The following TENM3 variants were observed in gnomAD, a reference collection of about 807,000 sequenced individuals.
TENM3 encodes teneurin transmembrane protein 3.
In TENM3, 63 loss-of-function variants were observed where a neutral mutation model predicts 255.1. The observed-to-expected ratio is 0.25, with a 90% confidence interval of 0.20 to 0.30. TENM3 has a LOEUF of 0.30. Among genes scored for constraint, TENM3 ranks in the 10% least tolerant of loss-of-function variants. TENM3 has a pLI of 1.00. For synonymous variants in TENM3, 1,306 were observed against 1,322.3 expected (o/e 0.99, Z 0.27); for missense variants, 2,929 against 3,461.1 (o/e 0.85, Z 3.86).
chr4:182,205,496 C>A (rs182295921), intron 1 of TENM3, among the ~76,000 whole-genome samples: 1 of 152,158 alleles, frequency 6.6e-6, no homozygotes, highest in African/African-American at 2.4e-5. Flanking sequence ...TCACCACTAA[C>A]GTATTTCCTC....
In TENM3 at chr4:182,773,615, C is replaced by G; in HGVS notation, c.5036C>G (p.Ser1679Cys). 1 of 1,613,274 alleles carries G rather than the reference C, an allele frequency of 6.2e-7. No individual in the cohort carries two copies. ...GATGTCAGCATCACTTCAAATCTGTCCTCGATCGATTCTTTCTACACCATG... is the reference window on the plus strand; with the variant it reads ...GATGTCAGCATCACTTCAAATCTGTGCTCGATCGATTCTTTCTACACCATG... ...EEDVSITSNL[S>C]SIDSFYTMVQ... The change falls in exon 23 of 28, where the codon TCC (serine) becomes TGC (cysteine). Residue 1679 changes from serine (S) to cysteine (C), a missense_variant. Ser to Cys is a moderately radical substitution (Grantham distance 112, BLOSUM62 -1). Coordinates refer to ENST00000511685, the MANE Select transcript of TENM3 (RefSeq NM_001080477.4).
intron 22 of TENM3, among the ~76,000 whole-genome samples, chr4:182,761,731 G>A (rs1216193379): frequency 6.6e-6 from 1 of 152,092 alleles, no homozygotes; most frequent in East Asian, 1.9e-4. Flanking sequence ...TGATTTGCAA[G>A]AGAGTTTATC....
At chr4:182,287,667 G>A (rs1423411639) in intron 1 of TENM3, among the ~76,000 whole-genome samples, 3 of 150,096 alleles carry the variant, frequency 2.0e-5, no homozygotes, top group East Asian at 3.9e-4. Flanking sequence ...AGGCTGGAGT[G>A]CAGTGGCGCG....
chr4:181,883,126 C>CTTTTTTTTTTTTTTTTTT, the TENM3 span, among the ~76,000 whole-genome samples: 6 of 106,726 alleles, frequency 5.6e-5, no homozygotes, highest in Admixed American at 1.1e-4. Flanking sequence ...TGCAATTAAT[C>CTTTTTTTTTTTTTTTTTT]TTTTTTTTTT....
chr4:182,394,597 T>C (rs575478652), intron 3 of TENM3, among the ~76,000 whole-genome samples: 1 of 152,316 alleles, frequency 6.6e-6, no homozygotes, highest in Non-Finnish European at 1.5e-5. Flanking sequence ...GTTCTAAGTT[T>C]TTGTTTTAAT....
the TENM3 span, among the ~76,000 whole-genome samples, chr4:181,509,653 C>T: frequency 2.0e-5 from 3 of 152,198 alleles, no homozygotes; most frequent in South Asian, 2.1e-4. Flanking sequence ...CAGAACTTGA[C>T]AGCTGCCTCG....
chr4:182,026,935 G>T, the TENM3 span, among the ~76,000 whole-genome samples: 4 of 152,050 alleles, frequency 2.6e-5, no homozygotes, highest in Non-Finnish European at 5.9e-5. Context: ...GATAGCTTTT[G>T]CTCTTCTGGG....
At chr4:181,491,221 T>A in the TENM3 span, among the ~76,000 whole-genome samples, 1 of 152,046 alleles carries the variant, frequency 6.6e-6, no homozygotes, top group East Asian at 1.9e-4. Flanking sequence ...GGAAAGATTA[T>A]AGTAAAATTA....
intron 3 of TENM3, among the ~76,000 whole-genome samples, chr4:182,379,410 G>A (rs1275462617): frequency 6.6e-6 from 1 of 152,168 alleles, no homozygotes; most frequent in Non-Finnish European, 1.5e-5. Flanking sequence ...ATGGGGCAGG[G>A]AAAAGGGACT....
chr4:181,546,144 A>G, the TENM3 span, among the ~76,000 whole-genome samples: 1 of 152,128 alleles, frequency 6.6e-6, no homozygotes, highest in African/African-American at 2.4e-5. Context: ...AGACCATGAT[A>G]GTGTGCGTGT....
intron 13 of TENM3, among the ~76,000 whole-genome samples, chr4:182,716,884 G>C (rs1210866353): frequency 1.3e-5 from 2 of 152,174 alleles, no homozygotes; most frequent in Non-Finnish European, 2.9e-5. Context: ...GAGTAGCTAA[G>C]TAACTTGATT....
the TENM3 span, among the ~76,000 whole-genome samples, chr4:181,914,872 C>T: frequency 6.6e-6 from 1 of 152,072 alleles, no homozygotes; most frequent in African/African-American, 2.4e-5. Flanking sequence ...TCATTGAGCC[C>T]CTTTTATGCA....
the TENM3 span, among the ~76,000 whole-genome samples, chr4:181,849,632 G>A: frequency 3.3e-5 from 5 of 152,108 alleles, no homozygotes; most frequent in African/African-American, 1.2e-4. Context: ...CAAAGCAAAA[G>A]CAAGCTAATG....
the TENM3 span, among the ~76,000 whole-genome samples, chr4:182,013,747 C>T: frequency 6.6e-6 from 1 of 151,898 alleles, no homozygotes; most frequent in African/African-American, 2.4e-5. Flanking sequence ...CAAATTTTGT[C>T]TACATTTATA....
the TENM3 span, among the ~76,000 whole-genome samples, chr4:182,100,049 GT>G: frequency 6.6e-6 from 1 of 152,042 alleles, no homozygotes; most frequent in African/African-American, 2.4e-5. Context: ...CTGCAGGTAA[GT>G]TACGTACATT....
At chr4:182,160,201 A>C in intron 1 of TENM3, among the ~76,000 whole-genome samples, 1 of 151,020 alleles carries the variant, frequency 6.6e-6, no homozygotes, top group Non-Finnish European at 1.5e-5. Context: ...ACGGGGTTTC[A>C]CCGTGTTAGC....
the TENM3 span, among the ~76,000 whole-genome samples, chr4:181,548,486 A>G: frequency 6.6e-6 from 1 of 152,210 alleles, no homozygotes; most frequent in Admixed American, 6.5e-5. Context: ...CAGCCATAAA[A>G]AAATGATATC....
At chr4:181,765,973 G>T in the TENM3 span, among the ~76,000 whole-genome samples, 1 of 152,146 alleles carries the variant, frequency 6.6e-6, no homozygotes, top group African/African-American at 2.4e-5. Context: ...AAGTCAAAAA[G>T]CAGCTTTCCT....
chr4:182,628,623 C>G, intron 4 of TENM3, 28 bp from the exon 5 acceptor site: 1 of 1,390,520 alleles, frequency 7.2e-7, no homozygotes, highest in South Asian at 1.2e-5. Context: ...ATATTTGTAT[C>G]TTATAATGAT....
Sources: allele counts gnomAD v4.1 joint callset (sites outside exome capture counted in the v4.1 genomes callset), GRCh38; gene constraint gnomAD v4.1.1; transcripts MANE v1.5; gene names NCBI Gene and HGNC (gene_info 2026-07-23, HGNC 2026-07-21).